The following PDSS2 variants were observed in gnomAD, a reference collection of about 807,000 sequenced individuals.
PDSS2 encodes the protein decaprenyl diphosphate synthase subunit 2.
In PDSS2, 31 loss-of-function variants were observed where a neutral mutation model predicts 44.5. That is an observed-to-expected ratio of 0.70 (90% CI 0.52 to 0.94). The LOEUF is 0.94. PDSS2 is among the 40% of genes least tolerant of loss of function. The probability of loss-of-function intolerance (pLI) is 0.00; values close to 1 mark genes in which losing one functional copy is unlikely to be tolerated. For missense variants in PDSS2, 452 were observed against 482.2 expected (o/e 0.94, Z 0.59); for synonymous variants, 157 against 180.3 (o/e 0.87, Z 1.03).
intron 1 of PDSS2, among the ~76,000 whole-genome samples, chr6:107,452,255 T>G (rs1306659014): frequency 6.6e-6 from 1 of 151,752 alleles, no homozygotes; most frequent in Non-Finnish European, 1.5e-5. Context: ...TTTTTTTTTT[T>G]GCAACAGAGT....
At chr6:107,449,123 C>G (rs941998731) in intron 1 of PDSS2, among the ~76,000 whole-genome samples, 2 of 152,212 alleles carry the variant, frequency 1.3e-5, no homozygotes, top group Non-Finnish European at 2.9e-5. Context: ...TGTTCTACCA[C>G]AATATTCCTC....
intron 1 of PDSS2, among the ~76,000 whole-genome samples, chr6:107,421,811 C>CACAT (rs1218977413): frequency 7.2e-6 from 1 of 139,332 alleles, no homozygotes; most frequent in African/African-American, 3.3e-5. Context: ...TCACAGAACA[C>CACAT]ACACACACAC....
intron 1 of PDSS2, among the ~76,000 whole-genome samples, chr6:107,347,256 CTTTT>C (rs35184119): frequency 1.9e-4 from 17 of 90,006 alleles, no homozygotes; most frequent in African/African-American, 6.4e-4. Flanking sequence ...ATTATATCTT[CTTTT>C]TTTTTTTTTT....
At chr6:107,408,115 T>G (rs570858070) in intron 1 of PDSS2, among the ~76,000 whole-genome samples, 28 of 151,254 alleles carry the variant, frequency 1.9e-4, no homozygotes, top group African/African-American at 6.5e-4. Context: ...GCAACTTCTG[T>G]CTCCTGGGTT....
At chr6:107,424,292 T>G (rs1780921609) in intron 1 of PDSS2, among the ~76,000 whole-genome samples, 1 of 152,046 alleles carries the variant, frequency 6.6e-6, no homozygotes, top group Non-Finnish European at 1.5e-5. Context: ...CAAGTGATCC[T>G]CCCACCTCAG....
At chr6:107,215,322 T>C (rs1451275868) in intron 4 of PDSS2, among the ~76,000 whole-genome samples, 1 of 151,804 alleles carries the variant, frequency 6.6e-6, no homozygotes, top group East Asian at 1.9e-4. Context: ...AACCCAGGAG[T>C]TCAAGGCTGC....
chr6:107,176,294 A>G (rs1490785363), intron 7 of PDSS2, among the ~76,000 whole-genome samples: 1 of 152,018 alleles, frequency 6.6e-6, no homozygotes, highest in Non-Finnish European at 1.5e-5. Context: ...TGCCGGCCTC[A>G]GTCTTCCAAA....
In PDSS2 at chr6:107,186,390, C is replaced by G. The variant is rs186672859; in HGVS notation, c.1041+7432G>C. 3.3e-3 allele frequency among the ~76,000 whole-genome samples: 507 copies of G among 152,300 alleles called. 2 individuals carry two copies. The highest frequency in any genetic ancestry group is 0.011 in the African/African-American group (469 of 41,560). On this transcript the variant is annotated intron_variant, in intron 7 of 7. Coordinates refer to ENST00000369037, the MANE Select transcript of PDSS2 (RefSeq NM_020381.4). ...TTAAAATGATCACCTCTTCCACACT[C>G]TCCCCTACTACCTCACCATCTGAAA... is the stretch of plus-strand genomic sequence containing the variant.
chr6:107,197,811 C>T (rs1312618841), intron 6 of PDSS2: 3 of 470,990 alleles, frequency 6.4e-6, no homozygotes, highest in Admixed American at 2.3e-5. Flanking sequence ...TCAATATTCT[C>T]ATCGTTCAGT....
At chr6:107,353,801 T>C (rs887881573) in intron 1 of PDSS2, among the ~76,000 whole-genome samples, 1 of 152,162 alleles carries the variant, frequency 6.6e-6, no homozygotes, top group Non-Finnish European at 1.5e-5. Flanking sequence ...AACAGAGTAA[T>C]GCCTTTTAGA....
intron 2 of PDSS2, among the ~76,000 whole-genome samples, chr6:107,324,803 C>A (rs1323766837): frequency 6.6e-6 from 1 of 152,044 alleles, no homozygotes; most frequent in African/African-American, 2.4e-5. Flanking sequence ...AGCCTCATTT[C>A]TTAAGATGTT....
At chr6:107,345,906 A>G (rs1778231768) in intron 1 of PDSS2, among the ~76,000 whole-genome samples, 1 of 152,192 alleles carries the variant, frequency 6.6e-6, no homozygotes, top group Non-Finnish European at 1.5e-5. Flanking sequence ...TTCATTTTCC[A>G]CAGAAAAATT....
chr6:107,220,301 TTTAAA>T (rs1348440550), intron 4 of PDSS2, among the ~76,000 whole-genome samples: 2 of 152,130 alleles, frequency 1.3e-5, no homozygotes, highest in Admixed American at 1.3e-4. Context: ...GTCTCAAATG[TTTAAA>T]TTAACATTTT....
chr6:107,277,499 A>G (rs759914173), intron 2 of PDSS2, among the ~76,000 whole-genome samples: 2 of 152,192 alleles, frequency 1.3e-5, no homozygotes, highest in Non-Finnish European at 2.9e-5. Flanking sequence ...ATTTTTTAAT[A>G]ATTTAGGAAG....
chr6:107,220,063 T>C (rs957066173), intron 4 of PDSS2, among the ~76,000 whole-genome samples: 3 of 152,136 alleles, frequency 2.0e-5, no homozygotes, highest in Non-Finnish European at 4.4e-5. Flanking sequence ...AGATTAGTGA[T>C]TGCCTGGGGC....
chr6:107,441,494 G>A (rs1303162374), intron 1 of PDSS2, among the ~76,000 whole-genome samples: 2 of 152,134 alleles, frequency 1.3e-5, no homozygotes, highest in African/African-American at 4.8e-5. Context: ...TGATGGTAGT[G>A]GATAAATTTA....
intron 1 of PDSS2, among the ~76,000 whole-genome samples, chr6:107,399,908 T>C (rs1451085333): frequency 1.3e-5 from 2 of 152,074 alleles, no homozygotes; most frequent in African/African-American, 2.4e-5. Context: ...AACAAAATAG[T>C]GTGTAGAGAT....
intron 4 of PDSS2, among the ~76,000 whole-genome samples, chr6:107,215,827 A>G (rs1463753443): frequency 6.6e-6 from 1 of 152,156 alleles, no homozygotes; most frequent in African/African-American, 2.4e-5. Context: ...ATGAATACAA[A>G]AATAAAAGAT....
chr6:107,207,989 T>TG (rs1401353597), intron 6 of PDSS2, among the ~76,000 whole-genome samples: 1 of 93,974 alleles, frequency 1.1e-5, no homozygotes, highest in African/African-American at 2.9e-5. Context: ...TTTTTTTTTT[T>TG]TTTTTTTTTT....
Sources: allele counts gnomAD v4.1 joint callset (sites outside exome capture counted in the v4.1 genomes callset), GRCh38; gene constraint gnomAD v4.1.1; transcripts MANE v1.5; gene names NCBI Gene and HGNC (gene_info 2026-07-23, HGNC 2026-07-21).